The following KLF8 variants were observed in gnomAD, a reference collection of about 807,000 sequenced individuals.
KLF8 encodes KLF transcription factor 8, also known as Krueppel-like factor 8.
Under a neutral mutation model 18.2 loss-of-function variants are expected in KLF8, and 10 were observed. That is an observed-to-expected ratio of 0.55 (90% CI 0.34 to 0.93). The LOEUF (loss-of-function observed/expected upper bound fraction) is 0.93. KLF8 is among the 40% of genes least tolerant of loss of function. The probability of loss-of-function intolerance (pLI) is 0.02; values close to 1 mark genes in which losing one functional copy is unlikely to be tolerated. For synonymous variants in KLF8, 109 were observed against 97.3 expected (o/e 1.12, Z -0.71); for missense variants, 264 against 277.9 (o/e 0.95, Z 0.36).
intron 4 of KLF8, 34 bp from the exon 5 acceptor site, chrX:56,270,148 C>T: frequency 8.6e-7 from 1 of 1,162,364 alleles, no homozygotes; most frequent in Non-Finnish European, 1.2e-6. Flanking sequence ...ACTTTAAAGT[C>T]ACTGTTTGGC....
chrX:55,960,559 G>A, the KLF8 span, among the ~76,000 whole-genome samples: 1 of 65,781 alleles, frequency 1.5e-5, no homozygotes, highest in Non-Finnish European at 3.9e-5. Flanking sequence ...AGGAGAAGGA[G>A]GAGGAAAGAA....
the KLF8 span, among the ~76,000 whole-genome samples, chrX:56,138,118 T>G: frequency 2.0e-5 from 2 of 100,906 alleles, no homozygotes; most frequent in South Asian, 9.3e-4. Flanking sequence ...GATGACCTCC[T>G]AAGATTGAAA....
the KLF8 span, among the ~76,000 whole-genome samples, chrX:56,130,111 C>A: frequency 9.1e-6 from 1 of 110,486 alleles, no homozygotes; most frequent in Non-Finnish European, 1.9e-5. Context: ...AGTTCTAAGG[C>A]CTCGCCCACC....
intron 1 of KLF8, among the ~76,000 whole-genome samples, chrX:56,237,563 C>T (rs1262172594): frequency 9.0e-6 from 1 of 111,122 alleles, no homozygotes; most frequent in Non-Finnish European, 1.9e-5. Context: ...TTTTAAATGC[C>T]TCATTCTTTT....
chrX:56,168,766 C>A, the KLF8 span, among the ~76,000 whole-genome samples: 6 of 109,167 alleles, frequency 5.5e-5, no homozygotes. Flanking sequence ...TCTGTTCTTG[C>A]GATAGTTTGC....
the KLF8 span, among the ~76,000 whole-genome samples, chrX:55,992,936 G>A: frequency 3.6e-5 from 4 of 111,490 alleles, no homozygotes; most frequent in African/African-American, 1.3e-4. Flanking sequence ...ACTGATTTTT[G>A]TACATTCACT....
chrX:56,254,477 C>T (rs1180868683), intron 2 of KLF8, among the ~76,000 whole-genome samples: 1 of 112,099 alleles, frequency 8.9e-6, no homozygotes, highest in African/African-American at 3.2e-5. Flanking sequence ...TTGCTGTTTG[C>T]AGATGGCTTA....
the KLF8 span, among the ~76,000 whole-genome samples, chrX:56,157,790 G>C: frequency 9.0e-6 from 1 of 111,349 alleles, no homozygotes; most frequent in Non-Finnish European, 1.9e-5. Flanking sequence ...CTGGATATTA[G>C]CCCTTTGTCA....
chrX:56,133,544 C>A, the KLF8 span, among the ~76,000 whole-genome samples: 2 of 111,484 alleles, frequency 1.8e-5, no homozygotes, highest in African/African-American at 6.5e-5. Context: ...TATGACAAAC[C>A]CACAGCCAAC....
the KLF8 span, among the ~76,000 whole-genome samples, chrX:56,108,632 A>G: frequency 8.1e-5 from 9 of 111,287 alleles, no homozygotes; most frequent in African/African-American, 2.6e-4. Flanking sequence ...GATCTTTTAT[A>G]TGAATTATAT....
At chrX:56,023,880 T>A in the KLF8 span, among the ~76,000 whole-genome samples, 1 of 111,895 alleles carries the variant, frequency 8.9e-6, no homozygotes, top group South Asian at 3.7e-4. Context: ...TTCAGTAATC[T>A]ACTGATGGAC....
chrX:56,096,967 T>C, the KLF8 span, among the ~76,000 whole-genome samples: 1 of 110,838 alleles, frequency 9.0e-6, no homozygotes, highest in Non-Finnish European at 1.9e-5. Flanking sequence ...CTAGATAAAA[T>C]TAACCAACCT....
At chrX:56,037,568 T>G in the KLF8 span, among the ~76,000 whole-genome samples, 2 of 112,037 alleles carry the variant, frequency 1.8e-5, no homozygotes, top group African/African-American at 6.5e-5. Context: ...GGGATTATTT[T>G]TATTACTGAT....
chrX:55,935,440 T>C, the KLF8 span, among the ~76,000 whole-genome samples: 7 of 112,436 alleles, frequency 6.2e-5, no homozygotes, highest in African/African-American at 1.9e-4. Context: ...GTGATTTGTA[T>C]GCACATTAAA....
At chrX:56,270,899 C>G (rs1203752802) in intron 5 of KLF8, among the ~76,000 whole-genome samples, 1 of 111,713 alleles carries the variant, frequency 9.0e-6, no homozygotes, top group Admixed American at 9.5e-5. Context: ...AGAAGGAGAG[C>G]TGCCACTCAA....
At chrX:56,276,420 C>A (rs1416645939) in intron 5 of KLF8, among the ~76,000 whole-genome samples, 3 of 111,382 alleles carry the variant, frequency 2.7e-5, no homozygotes, top group African/African-American at 9.8e-5. Flanking sequence ...TTTAGCATTT[C>A]TTGTAGGATG....
chrX:55,915,208 A>T, the KLF8 span, among the ~76,000 whole-genome samples: 1 of 111,579 alleles, frequency 9.0e-6, no homozygotes, highest in African/African-American at 3.3e-5. Context: ...TGAATTTACT[A>T]TATCCATTTG....
the KLF8 span, among the ~76,000 whole-genome samples, chrX:56,146,907 C>T: frequency 9.0e-6 from 1 of 111,650 alleles, no homozygotes; most frequent in East Asian, 2.8e-4. Flanking sequence ...TATCTTTAAA[C>T]AGAAAGCACA....
the KLF8 span, among the ~76,000 whole-genome samples, chrX:55,980,845 T>TC: frequency 8.9e-6 from 1 of 111,907 alleles, no homozygotes; most frequent in Non-Finnish European, 1.9e-5. Flanking sequence ...CTTAGGCTTC[T>TC]CCCCCCCTCC....
Sources: gnomAD v4.1 joint callset for allele counts (sites outside exome capture counted in the v4.1 genomes callset) on GRCh38, gnomAD v4.1.1 for gene constraint, MANE v1.5 for transcripts, NCBI Gene and HGNC (gene_info 2026-07-23, HGNC 2026-07-21) for gene names.